SH2B3: variants seen among roughly 807,000 people sequenced by gnomAD.
SH2B3 encodes SH2B adapter protein 3.
Under a neutral mutation model 51.9 loss-of-function variants are expected in SH2B3, and 43 were observed. The ratio of observed to expected loss-of-function variants is 0.83; its 90% CI spans 0.65 to 1.07. The LOEUF is 1.07. Among genes scored for constraint, SH2B3 ranks in the 50% least tolerant of loss-of-function variants. The pLI, the probability that SH2B3 is intolerant of heterozygous loss-of-function variation, is 0.00. For synonymous variants in SH2B3, 396 were observed against 376.0 expected, an observed-to-expected ratio of 1.05 and a Z score of -0.62; for missense variants, 952 against 834.3, an observed-to-expected ratio of 1.14 and a Z score of -1.74.
At position 111,447,151 on chromosome 12, in the gene SH2B3, A is replaced by T; in HGVS notation, c.953A>T (p.His318Leu). The change falls in exon 5 of 8, where the codon CAT becomes CTT. Residue 318 changes from histidine to leucine, a missense_variant. Physicochemically the swap from His to Leu is moderately conservative, Grantham distance 99. Transcript: ENST00000341259. Reference protein sequence around the residue: ...RGLESTEAEMHIPSALEPSTS... With the variant: ...RGLESTEAEMLIPSALEPSTS... ...CTGGAGAGCACAGAAGCAGAGATGC[A>T]TATTCCCTCAGCCCTAGAGCCTAGC... 1 of 1,614,062 alleles carries T rather than the reference A, an allele frequency of 6.2e-7. No individual in the cohort carries two copies. Among genetic ancestry groups the T allele is most frequent in the Non-Finnish European group, 8.5e-7 (1 of 1,179,920 alleles).
intron 2 of SH2B3, among the ~76,000 whole-genome samples, chr12:111,433,215 G>C (rs1346921378): frequency 6.6e-6 from 1 of 152,134 alleles, no homozygotes; most frequent in East Asian, 1.9e-4. Flanking sequence ...GCTGGGCGTG[G>C]TGGTGGATAC....
chr12:111,413,495 G>A (rs1870858101), intron 1 of SH2B3, among the ~76,000 whole-genome samples: 1 of 152,218 alleles, frequency 6.6e-6, no homozygotes, highest in Non-Finnish European at 1.5e-5. Flanking sequence ...AATGAGGGGG[G>A]TTCCCAGCCG....
In SH2B3 at chr12:111,409,884, C is replaced by T. The variant is rs966517678; in HGVS notation, c.-28+3607C>T. On this transcript the variant is annotated intron_variant, in intron 1 of 7. Transcript: ENST00000341259. The surrounding 1 kb of genome is among the most constrained non-coding windows in gnomAD (Gnocchi z 4.0). ...CACTTCCCCAGGGGAACAGGTCCTC[C>T]TGGTGCCCCCCCACTCCCCGCCCCA... Among the ~76,000 whole-genome samples the T allele has an allele frequency of 6.6e-6, 1 of 152,212 alleles. No homozygotes were observed. Among genetic ancestry groups the T allele is most frequent in the African/African-American group, 2.4e-5 (1 of 41,464 alleles).
Position 111,411,945 on chromosome 12 carries a change from G to T in SH2B3, c.-28+5668G>T, listed in dbSNP as rs1383225171. On this transcript the variant is annotated intron_variant, in intron 1 of 7. Transcript: ENST00000341259. ...CCCAGAAGGAAGCCTGAGCAGGTGA[G>T]GGGGGTCTCCTGGGTGCTAGGGCCC... Among the ~76,000 whole-genome samples, 9 of 152,246 alleles carry T rather than the reference G, an allele frequency of 5.9e-5. No individual in the cohort carries two copies. In the South Asian group the frequency reaches 1.9e-3, roughly 32 times the overall value.
chr12:111,418,801 G>A lies in SH2B3; in HGVS notation c.656G>A (p.Arg219His). 2.1e-6 allele frequency: 3 copies of A among 1,447,180 alleles called. No individual in the cohort carries two copies. Among genetic ancestry groups the A allele is most frequent in the Non-Finnish European group, 2.7e-6 (3 of 1,111,314 alleles). 89.6% of individuals were successfully genotyped at this position (1,447,180 alleles called of 1,614,324 possible). A position where few individuals can be genotyped will look rare whatever the true frequency, so the allele number is the denominator to read the frequency against. Residue 219 changes from arginine to histidine, a missense_variant, in exon 2 of 8, where the codon CGC becomes CAC. Arg to His is a conservative substitution (Grantham distance 29). Coordinates refer to ENST00000341259, the MANE Select transcript of SH2B3 (RefSeq NM_005475.3). The surrounding 1 kb of genome is among the most constrained non-coding windows in gnomAD (Gnocchi z 6.7). The part of the protein sequence containing the change: ...ASMDSGARWQ[R>H]GRLALRRAPG... ...ATGGACAGCGGGGCACGCTGGCAGC[G>A]CGGGAGGCTGGCGCTGCGCCGGGCC... is the stretch of plus-strand genomic sequence containing the variant.
At chr12:111,428,149 T>C (rs1048208583) in intron 2 of SH2B3, among the ~76,000 whole-genome samples, 1 of 152,232 alleles carries the variant, frequency 6.6e-6, no homozygotes, top group Non-Finnish European at 1.5e-5. Context: ...ATGCCACCAT[T>C]TTATAGATGC....
chr12:111,405,965 G>A lies in SH2B3; in HGVS notation c.-340G>A, dbSNP rs1362728367. 1 of 151,482 alleles carries A rather than the reference G, an allele frequency of 6.6e-6. No homozygotes were observed. Among genetic ancestry groups the A allele is most frequent in the Non-Finnish European group, 1.5e-5 (1 of 67,838 alleles). 9.4% of individuals were successfully genotyped at this position (151,482 alleles called of 1,614,324 possible). A position where few individuals can be genotyped will look rare whatever the true frequency, so the allele number is the denominator to read the frequency against. On this transcript the variant is annotated 5_prime_UTR_variant, in exon 1 of 8. Transcript: ENST00000341259. The surrounding 1 kb of genome is among the most constrained non-coding windows in gnomAD (Gnocchi z 5.4). ...GGCATGGGCCCGGGCCACCGCCTCCGCCCGGCTGCCCGCCCGGACTGTCGC... is the reference window on the plus strand; with the variant it reads ...GGCATGGGCCCGGGCCACCGCCTCCACCCGGCTGCCCGCCCGGACTGTCGC...
chr12:111,424,679 C>G (rs933244038), intron 2 of SH2B3, among the ~76,000 whole-genome samples: 4 of 152,068 alleles, frequency 2.6e-5, no homozygotes, highest in Non-Finnish European at 5.9e-5. Flanking sequence ...CCTAGCCCCT[C>G]GGAGCATCAG....
At chr12:111,428,528 A>G (rs1872190237) in intron 2 of SH2B3, among the ~76,000 whole-genome samples, 2 of 152,208 alleles carry the variant, frequency 1.3e-5, no homozygotes, top group South Asian at 4.1e-4. Context: ...CTGATAGGGC[A>G]GGTGAGGGGC....
rs970743822 is a variant in SH2B3, at chr12:111,409,378, G to C, written c.-28+3101G>C. ...CCATTGCTGTTCATGCCCAATAGGGGCTGGCACTTAATTGCCAGGTTTCCT... is the reference window on the plus strand; with the variant it reads ...CCATTGCTGTTCATGCCCAATAGGGCCTGGCACTTAATTGCCAGGTTTCCT... On this transcript the variant is annotated intron_variant, in intron 1 of 7. Coordinates refer to ENST00000341259, the MANE Select transcript of SH2B3 (RefSeq NM_005475.3). The surrounding 1 kb of genome is among the most constrained non-coding windows in gnomAD (Gnocchi z 4.0). 6.6e-6 allele frequency among the ~76,000 whole-genome samples: 1 copy of C among 152,210 alleles called. No homozygotes were observed. The highest frequency in any genetic ancestry group is 2.4e-5 in the African/African-American group (1 of 41,448).
chr12:111,428,005 C>T (rs569420748), intron 2 of SH2B3, among the ~76,000 whole-genome samples: 1 of 152,340 alleles, frequency 6.6e-6, no homozygotes, highest in South Asian at 2.1e-4. Context: ...GTTGGCTGCC[C>T]CTGTGAGCAG....
intron 2 of SH2B3, among the ~76,000 whole-genome samples, chr12:111,440,799 G>A (rs1367443980): frequency 1.3e-5 from 2 of 152,238 alleles, no homozygotes; most frequent in Admixed American, 1.3e-4. Context: ...GTGCATGGGA[G>A]CAGGGGAGTG....
At chr12:111,411,680 T>C (rs1565964611) in intron 1 of SH2B3, among the ~76,000 whole-genome samples, 1 of 152,162 alleles carries the variant, frequency 6.6e-6, no homozygotes, top group African/African-American at 2.4e-5. Flanking sequence ...AGGCCCTCAA[T>C]AGCCCTTTGG....
intron 2 of SH2B3, among the ~76,000 whole-genome samples, chr12:111,421,514 T>C (rs1871560600): frequency 6.8e-6 from 1 of 147,512 alleles, no homozygotes; most frequent in Admixed American, 6.9e-5. Context: ...CCTCCTGGGC[T>C]CAAGCAGTCC....
chr12:111,426,515 T>C (rs1182676533), intron 2 of SH2B3, among the ~76,000 whole-genome samples: 1 of 151,876 alleles, frequency 6.6e-6, no homozygotes, highest in Non-Finnish European at 1.5e-5. Context: ...TGAGCCACTG[T>C]GCCCAGCCGC....
upstream of SH2B3, among the ~76,000 whole-genome samples, chr12:111,405,263 C>G (rs1276713913): frequency 6.6e-6 from 1 of 152,184 alleles, no homozygotes; most frequent in Non-Finnish European, 1.5e-5. This position sits in a 1 kb window ranked among gnomAD's most constrained non-coding sequence, Gnocchi z 5.4. Context: ...CTGGGCTATA[C>G]GGGCACCGGC....
Position 111,409,087 on chromosome 12 carries a change from T to C in SH2B3, c.-28+2810T>C, listed in dbSNP as rs570434332. Among the ~76,000 whole-genome samples, 47 of 152,290 alleles carry C rather than the reference T, an allele frequency of 3.1e-4. No homozygotes were observed. The highest frequency in any genetic ancestry group is 1.1e-3 in the African/African-American group (45 of 41,558). On this transcript the variant is annotated intron_variant, in intron 1 of 7. Transcript: ENST00000341259. This position sits in a 1 kb window ranked among gnomAD's most constrained non-coding sequence, Gnocchi z 4.0. ...GAGGTCCTAGGCAGGTTACCTGGCT[T>C]CTCTGATCTGGACCTCGCCTGCCCG...
Position 111,434,227 on chromosome 12 carries a change from T to A in SH2B3, c.733-12526T>A, listed in dbSNP as rs372457252. ...GTACAATGCATTGGCTTTTAGTATATTTAAACAATTGTGCAATGATCACCA... is the reference window on the plus strand; with the variant it reads ...GTACAATGCATTGGCTTTTAGTATAATTAAACAATTGTGCAATGATCACCA... On this transcript the variant is annotated intron_variant, in intron 2 of 7. Transcript: ENST00000341259. Among the ~76,000 whole-genome samples the A allele has an allele frequency of 2.6e-5, 4 of 152,204 alleles. No homozygotes were observed. In the East Asian group the frequency reaches 5.8e-4, roughly 22 times the overall value.
Position 111,446,981 on chromosome 12 carries a change from G to A in SH2B3, c.874G>A (p.Glu292Lys), listed in dbSNP as rs751330475. The A allele has an allele frequency of 4.2e-5, 68 of 1,613,956 alleles. No homozygotes were observed. Among genetic ancestry groups the A allele is most frequent in the East Asian group, 1.8e-4 (8 of 44,888 alleles). Residue 292 changes from glutamate to lysine, a missense_variant, in exon 4 of 8, where the codon GAG becomes AAG. Transcript: ENST00000341259. ...RTDIIFEVGDEQQLNSWMAEL... is the reference protein window; with the variant it reads ...RTDIIFEVGDKQQLNSWMAEL... ...AGACATCATCTTTGAGGTGGGAGAC[G>A]AGCAGCAGCTGAATTCATGGATGGC... is the stretch of plus-strand genomic sequence containing the variant.
Sources: gnomAD v4.1 joint callset for allele counts (sites outside exome capture counted in the v4.1 genomes callset) on GRCh38, gnomAD v4.1.1 for gene constraint, Gnocchi (gnomAD v3.1) non-coding constraint, MANE v1.5 for transcripts, NCBI Gene and HGNC (gene_info 2026-07-23, HGNC 2026-07-21) for gene names.